DCUN1D1: variants seen among roughly 807,000 people sequenced by gnomAD.
The protein encoded by DCUN1D1 is defective in cullin neddylation 1 domain containing 1.
In DCUN1D1, 3 loss-of-function variants were observed where a neutral mutation model predicts 39.0. The ratio of observed to expected loss-of-function variants is 0.08; its 90% confidence interval spans 0.04 to 0.20. DCUN1D1 has a LOEUF of 0.20. Ranked by LOEUF, DCUN1D1 falls within the 10% of genes least tolerant of loss-of-function variation. The pLI is 1.00. For synonymous variants in DCUN1D1, 82 were observed against 96.3 expected (o/e 0.85, Z 0.87); for missense variants, 158 against 302.4 (o/e 0.52, Z 3.54).
At chr3:182,984,452 TTTAAG>T (rs200381214), upstream of DCUN1D1, among the ~76,000 whole-genome samples, 458 of 152,334 alleles carry the variant, frequency 3.0e-3, 4 homozygotes, top group African/African-American at 9.7e-3. Flanking sequence ...GTTTCAAATA[TTTAAG>T]TTAAGGCTTT....
At chr3:182,948,717 G>A (rs1409072043) in intron 4 of DCUN1D1, among the ~76,000 whole-genome samples, 2 of 152,092 alleles carry the variant, frequency 1.3e-5, no homozygotes, top group East Asian at 3.8e-4. Flanking sequence ...GAGTGATTAG[G>A]AAAGACAAAA....
At chr3:182,978,040 C>CA (rs71185618) in intron 1 of DCUN1D1, among the ~76,000 whole-genome samples, 106,813 of 136,564 alleles carry the variant, frequency 0.78, 43,429 homozygotes, top group East Asian at 0.96. Flanking sequence ...AACTCCATCT[C>CA]AAAAAAAAAA....
chr3:182,956,305 C>A, intron 4 of DCUN1D1: 2 of 268,596 alleles, frequency 7.4e-6, no homozygotes, highest in South Asian at 9.9e-5. Context: ...TCTGGGAGCT[C>A]ATCACCAAAA....
intron 4 of DCUN1D1, among the ~76,000 whole-genome samples, chr3:182,958,904 T>A (rs937394123): frequency 6.6e-6 from 1 of 152,208 alleles, no homozygotes; most frequent in South Asian, 2.1e-4. Flanking sequence ...CCATTTATTT[T>A]GTGCTCCAGT....
chr3:182,948,791 T>A lies in DCUN1D1; in HGVS notation c.521-1159A>T, dbSNP rs146089005. On this transcript the variant is annotated intron_variant, in intron 4 of 6. Transcript: ENST00000292782. ...AGAGCCAGGCGGGGTGGCTCACACC[T>A]GTAATCCCAGCACTTTGGGAGGTTG... Among the ~76,000 whole-genome samples the A allele has an allele frequency of 6.6e-4, 100 of 152,268 alleles. 2 individuals are homozygous for A. The East Asian group carries it at 0.018, about 27-fold the overall frequency.
chr3:182,980,643 G>A (rs1728500716), upstream of DCUN1D1: 8 of 979,712 alleles, frequency 8.2e-6, no homozygotes, highest in South Asian at 2.3e-4. Flanking sequence ...CCCGGACCTC[G>A]GGGAGGCGGA....
intron 1 of DCUN1D1, among the ~76,000 whole-genome samples, chr3:182,969,147 G>T (rs888479212): frequency 6.6e-5 from 10 of 152,124 alleles, no homozygotes; most frequent in Admixed American, 6.6e-4. Flanking sequence ...TTCTCTGTCA[G>T]CTCTCTGTTC....
intron 4 of DCUN1D1, among the ~76,000 whole-genome samples, chr3:182,957,674 G>GC (rs1406380439): frequency 1.3e-5 from 2 of 151,856 alleles, no homozygotes; most frequent in Non-Finnish European, 2.9e-5. Flanking sequence ...AAAGCAGATG[G>GC]CAACAGAGGA....
intron 1 of DCUN1D1, among the ~76,000 whole-genome samples, chr3:182,975,693 A>C (rs1296293677): frequency 7.7e-6 from 1 of 129,470 alleles, no homozygotes; most frequent in African/African-American, 4.7e-5. Flanking sequence ...AAAAAAAAAA[A>C]AAAACAAAAA....
chr3:182,963,308 C>T (rs6443838), intron 3 of DCUN1D1, among the ~76,000 whole-genome samples: 108,745 of 152,092 alleles, frequency 0.71, 39,707 homozygotes, highest in Non-Finnish European at 0.77. Context: ...TTAGCTATTA[C>T]TATTCAATAG....
rs1393173667 is a variant in DCUN1D1, at chr3:182,939,096, GC to G, written c.*5997del. ...AACTAATTTTACAGCAATCGCTGAG[GC>G]CACTTGAAACTCACTCAAACTGCAC... On this transcript the variant is annotated 3_prime_UTR_variant, in exon 7 of 7. Transcript: ENST00000292782. 2 of 152,214 alleles carry G rather than the reference GC, an allele frequency of 1.3e-5. No homozygotes were observed. The highest frequency in any genetic ancestry group is 2.9e-5 in the Non-Finnish European group (2 of 68,038). The allele number at this position is 152,214 out of a possible 1,614,324, so 9.4% of individuals were successfully genotyped here. A position where few individuals can be genotyped will look rare whatever the true frequency, so the allele number is the denominator to read the frequency against.
At chr3:182,980,551 C>A, upstream of DCUN1D1, 2 of 1,206,896 alleles carry the variant, frequency 1.7e-6, no homozygotes, top group South Asian at 2.1e-5. Flanking sequence ...ACGGCGGCGG[C>A]GGCGGCGGCT....
rs148176186 is a variant in DCUN1D1, at chr3:182,963,767, T to C, written c.389+114A>G. On this transcript the variant is annotated intron_variant, in intron 3 of 6. Coordinates refer to ENST00000292782, the MANE Select transcript of DCUN1D1 (RefSeq NM_020640.4). Reference sequence around the variant, plus strand: ...GGAAACTAGCAAGTTAACCCATTTCTATTTATACCAATGTTTGTGGGCCAG... The same window carrying C: ...GGAAACTAGCAAGTTAACCCATTTCCATTTATACCAATGTTTGTGGGCCAG... 7 of 928,944 alleles carry C rather than the reference T, an allele frequency of 7.5e-6. No homozygotes were observed. The Admixed American group carries it at 8.3e-5, about 11-fold the overall frequency. 57.5% of individuals were successfully genotyped at this position (928,944 alleles called of 1,614,324 possible).
At chr3:182,966,667 C>T (rs1411825417) in intron 1 of DCUN1D1, among the ~76,000 whole-genome samples, 1 of 152,164 alleles carries the variant, frequency 6.6e-6, no homozygotes, top group Non-Finnish European at 1.5e-5. Context: ...TCACCCAAGC[C>T]GGCCTCCTAG....
At chr3:182,954,524 C>G (rs1339749498) in intron 4 of DCUN1D1, among the ~76,000 whole-genome samples, 2 of 152,074 alleles carry the variant, frequency 1.3e-5, no homozygotes, top group African/African-American at 2.4e-5. Flanking sequence ...GTTTCTTCAC[C>G]TGGCTGTATA....
intron 1 of DCUN1D1, among the ~76,000 whole-genome samples, chr3:182,978,040 C>A (rs1327482516): frequency 3.0e-4 from 41 of 136,618 alleles, no homozygotes; most frequent in South Asian, 4.7e-4. Flanking sequence ...AACTCCATCT[C>A]AAAAAAAAAA....
At chr3:182,955,043 CTTT>C (rs905343178) in intron 4 of DCUN1D1, among the ~76,000 whole-genome samples, 1 of 143,472 alleles carries the variant, frequency 7.0e-6, no homozygotes, top group Admixed American at 6.9e-5. Context: ...CTTAAATTGA[CTTT>C]TTTTTTTTTT....
At position 182,944,381 on chromosome 3, in the gene DCUN1D1, T is replaced by C. The variant is rs1726287043; in HGVS notation, c.*713A>G. 1 of 152,682 alleles carries C rather than the reference T, an allele frequency of 6.5e-6. No homozygotes were observed. The highest frequency in any genetic ancestry group is 6.5e-5 in the Admixed American group (1 of 15,290). The allele number at this position is 152,682 out of a possible 1,614,324, so 9.5% of individuals were successfully genotyped here. On this transcript the variant is annotated 3_prime_UTR_variant, in exon 7 of 7. Coordinates refer to ENST00000292782, the MANE Select transcript of DCUN1D1 (RefSeq NM_020640.4). ...AAAAGCTCCCTGTAGGACAGCTATA[T>C]ATAAACATGGGTAAGGTAAGCGCAG...
chr3:182,977,498 G>A (rs1180149917), intron 1 of DCUN1D1, among the ~76,000 whole-genome samples: 3 of 151,770 alleles, frequency 2.0e-5, no homozygotes, highest in Admixed American at 6.6e-5. Flanking sequence ...GTGCAATGAC[G>A]CGATCTCGGC....
Sources: gnomAD v4.1 joint callset for allele counts (sites outside exome capture counted in the v4.1 genomes callset) on GRCh38, gnomAD v4.1.1 for gene constraint, MANE v1.5 for transcripts, NCBI Gene and HGNC (gene_info 2026-07-23, HGNC 2026-07-21) for gene names.